BORCS8: variants seen among roughly 807,000 people sequenced by gnomAD.
The protein encoded by BORCS8 is BLOC-1-related complex subunit 8.
In BORCS8, 13 loss-of-function variants were observed where a neutral mutation model predicts 18.7. The ratio of observed to expected loss-of-function variants is 0.70; its 90% CI spans 0.45 to 1.11. The LOEUF is 1.11. Among genes scored for constraint, BORCS8 ranks in the 50% least tolerant of loss-of-function variants. The probability of loss-of-function intolerance (pLI) is 0.00; values close to 1 mark genes in which losing one functional copy is unlikely to be tolerated. For missense variants in BORCS8, 165 were observed against 165.7 expected (o/e 1.00, Z 0.02); for synonymous variants, 68 against 64.8 (o/e 1.05, Z -0.24).
rs561400351 is a variant in BORCS8 at position 19,186,806 on chromosome 19, C to T, written c.150+87G>A. The T allele has an allele frequency of 1.2e-5, 12 of 969,030 alleles. No homozygotes were observed. The East Asian group carries it at 3.0e-4, about 24-fold the overall frequency. The allele number at this position is 969,030 out of a possible 1,614,324, so 60.0% of individuals were successfully genotyped here. A position where few individuals can be genotyped will look rare whatever the true frequency, so the allele number is the denominator to read the frequency against. On this transcript the variant is annotated intron_variant, in intron 2 of 5. Transcript: ENST00000462790. ...TCTGTCCACCACGCCTCTGACCTGGCTTTGCCACCACATGCCTCCTTGCTG... is the reference window on the plus strand; with the variant it reads ...TCTGTCCACCACGCCTCTGACCTGGTTTTGCCACCACATGCCTCCTTGCTG...
Position 19,182,383 on chromosome 19 carries a change from C to A in BORCS8, c.326+190G>T. Reference sequence around the variant, plus strand: ...GCCCAGGGCCAGGCACACAGCAGAGCGCAGGACCTCGGTATTAAGTGACTG... The same window carrying A: ...GCCCAGGGCCAGGCACACAGCAGAGAGCAGGACCTCGGTATTAAGTGACTG... On this transcript the variant is annotated intron_variant, in intron 4 of 5. Transcript: ENST00000462790. This position sits in a 1 kb window ranked among gnomAD's most constrained non-coding sequence, Gnocchi z 4.1. 13 of 1,385,050 alleles carry A rather than the reference C, an allele frequency of 9.4e-6. No individual in the cohort carries two copies. The highest frequency in any genetic ancestry group is 1.1e-5 in the Non-Finnish European group (12 of 1,065,134). The allele number at this position is 1,385,050 out of a possible 1,614,324, so 85.8% of individuals were successfully genotyped here. A position where few individuals can be genotyped will look rare whatever the true frequency, so the allele number is the denominator to read the frequency against.
At chr19:19,180,380 G>A in intron 5 of BORCS8, 1 of 431,628 alleles carries the variant, frequency 2.3e-6, no homozygotes, top group Admixed American at 4.1e-5. Context: ...TAGAGGAAAT[G>A]TGGGCTCCCT....
intron 2 of BORCS8, among the ~76,000 whole-genome samples, chr19:19,186,576 TCTC>T (rs1248464847): frequency 6.6e-6 from 1 of 152,272 alleles, no homozygotes; most frequent in East Asian, 1.9e-4. Flanking sequence ...CACTCATACT[TCTC>T]CTTCTTGCTG....
chr19:19,189,610 G>C (rs1312393129), intron 1 of BORCS8, among the ~76,000 whole-genome samples: 2 of 152,140 alleles, frequency 1.3e-5, no homozygotes, highest in Non-Finnish European at 2.9e-5. Context: ...GGACAAGGTA[G>C]GAGGATCACT....
In BORCS8 at chr19:19,186,106, G is replaced by A. The variant is rs2060406442; in HGVS notation, c.151-8C>T. 6.4e-7 allele frequency: 1 copy of A among 1,551,404 alleles called. No individual in the cohort carries two copies. The highest frequency in any genetic ancestry group is 2.4e-5 in the East Asian group (1 of 40,920). On this transcript the variant is annotated splice_region_variant and splice_polypyrimidine_tract_variant and intron_variant, in intron 2 of 5. Coordinates refer to ENST00000462790, the MANE Select transcript of BORCS8 (RefSeq NM_001145784.2). ...CCAACGCTGCATGTCTGCCTGTAGG[G>A]GGCGCAGGAGATATTTGGCAAGGGA...
intron 1 of BORCS8, among the ~76,000 whole-genome samples, chr19:19,191,572 GGTT>G (rs2060478784): frequency 6.6e-6 from 1 of 151,406 alleles, no homozygotes; most frequent in South Asian, 2.1e-4. Flanking sequence ...ACAAATATCA[GGTT>G]GTTGAGTTTT....
At chr19:19,188,357 T>C (rs918932876) in intron 1 of BORCS8, among the ~76,000 whole-genome samples, 4 of 152,008 alleles carry the variant, frequency 2.6e-5, no homozygotes, top group African/African-American at 9.7e-5. Context: ...AAGGTCTTGC[T>C]ATGTGGCCCA....
rs1209146970 is a variant in BORCS8 at position 19,177,185 on chromosome 19, A to C, written c.*318T>G. The stretch of plus-strand genomic sequence containing the variant: ...GCCAGGCCGAGGTGCCACATCCACC[A>C]CTGGAACTAGGGGTGGCTTCTCCAT... On this transcript the variant is annotated 3_prime_UTR_variant, in exon 6 of 6. Transcript: ENST00000462790. 1 of 152,132 alleles carries C rather than the reference A, an allele frequency of 6.6e-6. No homozygotes were observed. Among genetic ancestry groups the C allele is most frequent in the Non-Finnish European group, 1.5e-5 (1 of 68,062 alleles). 9.4% of individuals were successfully genotyped at this position (152,132 alleles called of 1,614,324 possible). A position where few individuals can be genotyped will look rare whatever the true frequency, so the allele number is the denominator to read the frequency against.
intron 4 of BORCS8, among the ~76,000 whole-genome samples, chr19:19,181,452 G>A (rs554544375): frequency 1.3e-5 from 2 of 152,338 alleles, no homozygotes; most frequent in South Asian, 4.1e-4. Context: ...ACAAAGAGAG[G>A]TGTCAGCAGC....
intron 4 of BORCS8, 100 bp from the exon 5 acceptor site, chr19:19,180,861 A>G (rs900821002): frequency 7.8e-7 from 1 of 1,277,796 alleles, no homozygotes; most frequent in Non-Finnish European, 1.1e-6. Context: ...TCTGGTCTCA[A>G]AGACCTCTGG....
At chr19:19,185,236 A>C (rs979485585) in intron 3 of BORCS8, among the ~76,000 whole-genome samples, 3 of 152,198 alleles carry the variant, frequency 2.0e-5, no homozygotes, top group African/African-American at 7.2e-5. Context: ...CCGCCAATAA[A>C]ATGGCCCACA....
intron 1 of BORCS8, among the ~76,000 whole-genome samples, chr19:19,191,528 G>C (rs191080297): frequency 6.7e-6 from 1 of 148,362 alleles, no homozygotes; most frequent in Non-Finnish European, 1.5e-5. Context: ...GACGCACAGC[G>C]ATTACTACGC....
rs536576566 is a variant in BORCS8, at chr19:19,180,813, G to T, written c.327-52C>A. 2.0e-5 allele frequency: 30 copies of T among 1,501,174 alleles called. 2 individuals are homozygous for T. The South Asian group carries it at 3.1e-4, about 16-fold the overall frequency. The allele number at this position is 1,501,174 out of a possible 1,614,324, so 93.0% of individuals were successfully genotyped here. A position where few individuals can be genotyped will look rare whatever the true frequency, so the allele number is the denominator to read the frequency against. ...TGAGGCCAAGGTCAGAGGCCACAAG[G>T]CTTGCTCAGCTGGCTGGAGTGTATG... On this transcript the variant is annotated intron_variant, in intron 4 of 5. Coordinates refer to ENST00000462790, the MANE Select transcript of BORCS8 (RefSeq NM_001145784.2).
intron 4 of BORCS8, among the ~76,000 whole-genome samples, chr19:19,181,174 G>A (rs1012406386): frequency 1.4e-4 from 20 of 148,058 alleles, no homozygotes; most frequent in East Asian, 4.0e-4. Flanking sequence ...TAGCCTGGGC[G>A]ACAAAGTGAG....
In BORCS8 at chr19:19,182,176, T is replaced by C. The variant is rs2060355597; in HGVS notation, c.326+397A>G. ...CGTCTGCCCTCACCACTGCCCCACATGGAACTCCGTCTGCCCCCGGATCGT... is the reference window on the plus strand; with the variant it reads ...CGTCTGCCCTCACCACTGCCCCACACGGAACTCCGTCTGCCCCCGGATCGT... On this transcript the variant is annotated intron_variant, in intron 4 of 5. Transcript: ENST00000462790. The surrounding 1 kb of genome is among the most constrained non-coding windows in gnomAD (Gnocchi z 4.1). The C allele has an allele frequency of 2.1e-6, 1 of 474,012 alleles. No homozygotes were observed. Among genetic ancestry groups the C allele is most frequent in the African/African-American group, 2.1e-5 (1 of 47,586 alleles). The allele number at this position is 474,012 out of a possible 1,614,324, so 29.4% of individuals were successfully genotyped here. A position where few individuals can be genotyped will look rare whatever the true frequency, so the allele number is the denominator to read the frequency against.
intron 1 of BORCS8, among the ~76,000 whole-genome samples, chr19:19,189,797 G>T (rs1438671438): frequency 6.6e-6 from 1 of 152,050 alleles, no homozygotes; most frequent in Non-Finnish European, 1.5e-5. Context: ...TATACCTGTA[G>T]TCCCAGCTAC....
chr19:19,177,680 GGAAGGAAGGAAGGAAGAGAAAAGAAA>G, intron 5 of BORCS8: 1 of 81,698 alleles, frequency 1.2e-5, no homozygotes, highest in South Asian at 3.4e-4. Context: ...AAGGAAGGAA[GGAAGGAAGGAAGGAAGAGAAAAGAAA>G]AGAAAAGAAA....
intron 4 of BORCS8, 135 bp from the exon 5 acceptor site, chr19:19,180,896 TAA>T: frequency 1.1e-6 from 1 of 945,976 alleles, no homozygotes; most frequent in Non-Finnish European, 1.6e-6. Context: ...GCATCCTGCT[TAA>T]AAGTGGGATG....
intron 5 of BORCS8, chr19:19,177,920 G>C (rs1051665399): frequency 6.5e-6 from 1 of 152,764 alleles, no homozygotes; most frequent in Non-Finnish European, 1.5e-5. Context: ...GTCTCGCTCT[G>C]TCGCGCAGGC....
Sources: allele counts gnomAD v4.1 joint callset (sites outside exome capture counted in the v4.1 genomes callset), GRCh38; gene constraint gnomAD v4.1.1; non-coding constraint Gnocchi (gnomAD v3.1); transcripts MANE v1.5; gene names NCBI Gene and HGNC (gene_info 2026-07-23, HGNC 2026-07-21).